Variants in ELOVL5 observed in about 807,000 individuals in gnomAD.
ELOVL5 encodes the protein ELOVL fatty acid elongase 5.
In ELOVL5, 8 loss-of-function variants were observed where a neutral mutation model predicts 38.6. The ratio of observed to expected loss-of-function variants is 0.21; its 90% CI spans 0.12 to 0.37. ELOVL5 has a LOEUF of 0.37. Among genes scored for constraint, ELOVL5 ranks in the 10% least tolerant of loss-of-function variants. ELOVL5 has a pLI of 1.00. For synonymous variants in ELOVL5, 127 were observed against 133.7 expected, an observed-to-expected ratio of 0.95 and a Z score of 0.34; for missense variants, 280 against 367.8, an observed-to-expected ratio of 0.76 and a Z score of 1.95.
chr6:53,293,334 C>A (rs1561871355), intron 2 of ELOVL5, among the ~76,000 whole-genome samples: 1 of 151,950 alleles, frequency 6.6e-6, no homozygotes, highest in Non-Finnish European at 1.5e-5. Context: ...TTTATTTATT[C>A]TGAGACGGAG....
chr6:53,305,912 C>G (rs995043935), intron 1 of ELOVL5, among the ~76,000 whole-genome samples: 14 of 152,108 alleles, frequency 9.2e-5, no homozygotes, highest in Admixed American at 7.2e-4. Flanking sequence ...AGCCTGGGCA[C>G]CATTGAGCAC....
At chr6:53,320,738 C>A (rs1168120627) in intron 1 of ELOVL5, among the ~76,000 whole-genome samples, 1 of 152,088 alleles carries the variant, frequency 6.6e-6, no homozygotes, top group Non-Finnish European at 1.5e-5. Context: ...ACTAGTCCCA[C>A]CCAATCATAT....
intron 6 of ELOVL5, among the ~76,000 whole-genome samples, chr6:53,272,305 GT>G (rs1308286214): frequency 6.6e-6 from 1 of 152,084 alleles, no homozygotes; most frequent in African/African-American, 2.4e-5. Context: ...AATAATATGT[GT>G]TTTTCTTTTT....
chr6:53,294,353 G>A (rs1351418104), intron 2 of ELOVL5: 21 of 1,573,092 alleles, frequency 1.3e-5, no homozygotes, highest in Non-Finnish European at 1.6e-5. Flanking sequence ...AGAGCTCTGG[G>A]AAACAACTTC....
In ELOVL5 at chr6:53,291,872, T is replaced by C; in HGVS notation, c.150A>G (p.Pro50=). 6.2e-7 allele frequency: 1 copy of C among 1,613,796 alleles called. No individual in the cohort carries two copies. The highest frequency in any genetic ancestry group is 8.5e-7 in the Non-Finnish European group (1 of 1,179,692). ...VIYLLIVWLG[P]KYMRNKQPFS... ...ATGGCTGTTTATTCCTCATGTATTT[T>C]GGTCCCAGCCATACAATTAGTAAAT... Residue 50 remains proline, a synonymous_variant, in exon 3 of 8, where the codon CCA becomes CCG. Coordinates refer to ENST00000304434, the MANE Select transcript of ELOVL5 (RefSeq NM_021814.5).
chr6:53,297,605 A>G (rs1247539296), intron 1 of ELOVL5, among the ~76,000 whole-genome samples: 1 of 152,048 alleles, frequency 6.6e-6, no homozygotes, highest in Non-Finnish European at 1.5e-5. Context: ...ACTTTACTTA[A>G]TTGTTCGATT....
chr6:53,285,140 G>C (rs140059282), intron 3 of ELOVL5, among the ~76,000 whole-genome samples: 2 of 152,326 alleles, frequency 1.3e-5, no homozygotes, highest in East Asian at 1.9e-4. Flanking sequence ...GGAAAGCTGA[G>C]ACAGGACGAA....
intron 3 of ELOVL5, among the ~76,000 whole-genome samples, chr6:53,282,601 A>C (rs979058975): frequency 1.3e-5 from 2 of 152,222 alleles, no homozygotes; most frequent in African/African-American, 4.8e-5. Flanking sequence ...CTTTCTCAGC[A>C]AGGAATTTTA....
At chr6:53,274,215 T>C (rs906016180) in intron 5 of ELOVL5, among the ~76,000 whole-genome samples, 1 of 148,316 alleles carries the variant, frequency 6.7e-6, no homozygotes, top group African/African-American at 2.6e-5. Context: ...GGTCAGTTAA[T>C]CCACCATCAT....
At chr6:53,275,824 A>G (rs1415172312) in intron 4 of ELOVL5, among the ~76,000 whole-genome samples, 6 of 152,222 alleles carry the variant, frequency 3.9e-5, no homozygotes. Context: ...TGGAAGTCAG[A>G]TTTTATTTTT....
chr6:53,312,555 C>A (rs546151587), intron 1 of ELOVL5, among the ~76,000 whole-genome samples: 9 of 152,210 alleles, frequency 5.9e-5, no homozygotes, highest in African/African-American at 1.9e-4. Flanking sequence ...TTATGAAGGC[C>A]ACATGTGCTG....
chr6:53,333,729 T>C (rs1411994571), intron 1 of ELOVL5, among the ~76,000 whole-genome samples: 1 of 152,200 alleles, frequency 6.6e-6, no homozygotes, highest in Non-Finnish European at 1.5e-5. Flanking sequence ...ATAAAAGTAA[T>C]GATAATTATA....
At chr6:53,294,640 C>T (rs1328424071) in intron 2 of ELOVL5, 1 of 1,216,666 alleles carries the variant, frequency 8.2e-7, no homozygotes, top group Non-Finnish European at 1.1e-6. Context: ...ATTTTTTGTC[C>T]CTTACAGCTA....
intron 3 of ELOVL5, among the ~76,000 whole-genome samples, chr6:53,283,543 G>C (rs1029147547): frequency 1.3e-5 from 2 of 152,122 alleles, no homozygotes; most frequent in African/African-American, 2.4e-5. Flanking sequence ...TATATCACTG[G>C]GGGGGACAAT....
intron 1 of ELOVL5, among the ~76,000 whole-genome samples, chr6:53,339,263 T>TA (rs1769217086): frequency 6.6e-6 from 1 of 152,186 alleles, no homozygotes; most frequent in African/African-American, 2.4e-5. Context: ...TGTGAATATA[T>TA]AAGCCACCCC....
At chr6:53,334,980 C>CTA (rs1281179107) in intron 1 of ELOVL5, among the ~76,000 whole-genome samples, 7 of 152,210 alleles carry the variant, frequency 4.6e-5, no homozygotes, top group Non-Finnish European at 8.8e-5. Context: ...TCTGGTGCTG[C>CTA]TCCACAGCTA....
chr6:53,330,516 A>ATTTTTT (rs1257101194), intron 1 of ELOVL5, among the ~76,000 whole-genome samples: 1 of 84,804 alleles, frequency 1.2e-5, no homozygotes, highest in Non-Finnish European at 2.7e-5. Context: ...TTCTTTATAA[A>ATTTTTT]CTTTTTTTTT....
chr6:53,271,543 C>T (rs919028996), intron 6 of ELOVL5, among the ~76,000 whole-genome samples: 1 of 151,900 alleles, frequency 6.6e-6, no homozygotes, highest in Admixed American at 6.6e-5. Flanking sequence ...AGCGAGACTC[C>T]AGCTCAACCC....
At chr6:53,336,819 T>A (rs1395250241) in intron 1 of ELOVL5, 4 of 152,208 alleles carry the variant, frequency 2.6e-5, no homozygotes, top group African/African-American at 9.6e-5. Flanking sequence ...CCCTTTAAAA[T>A]AACAGCACAT....
Sources: gnomAD v4.1 joint callset for allele counts (sites outside exome capture counted in the v4.1 genomes callset) on GRCh38, gnomAD v4.1.1 for gene constraint, MANE v1.5 for transcripts, NCBI Gene and HGNC (gene_info 2026-07-23, HGNC 2026-07-21) for gene names.